The following PPIF variants were observed in gnomAD, a reference collection of about 807,000 sequenced individuals.
The protein encoded by PPIF is peptidyl-prolyl cis-trans isomerase F, mitochondrial.
A neutral mutation model predicts 20.2 loss-of-function variants in PPIF; 23 were observed. That is an observed-to-expected ratio of 1.14 (90% CI 0.82 to 1.61). PPIF has a LOEUF of 1.61. Ranked by LOEUF, PPIF falls within the 40% of genes most tolerant of loss-of-function variation. The probability of loss-of-function intolerance (pLI) is 0.00; values close to 1 mark genes in which losing one functional copy is unlikely to be tolerated. For missense variants in PPIF, 287 were observed against 291.6 expected (o/e 0.98, Z 0.11); for synonymous variants, 113 against 123.1 (o/e 0.92, Z 0.54).
rs114909944 is a variant in PPIF, at chr10:79,353,830, C to G, written c.612C>G (p.Gly204=). The G allele has an allele frequency of 6.3e-4, 1,017 of 1,614,138 alleles. 9 individuals carry two copies. In the African/African-American group the frequency reaches 0.011, roughly 18 times the overall value. ...AGAAGATTGTCATCACAGACTGTGG[C>G]CAGTTGAGCTAATCTGTGGCCAGGG... ...TSKKIVITDC[G]QLS Residue 204 remains glycine (G), a synonymous_variant, in exon 6 of 6, where the codon GGC becomes GGG. Transcript: ENST00000225174.
rs11557023 is a variant in PPIF, at chr10:79,349,717, C to A, written c.279C>A (p.Ser93=). The change falls in exon 3 of 6, where the codon TCC becomes TCA. Residue 93 remains serine (S), a synonymous_variant. Coordinates refer to ENST00000225174, the MANE Select transcript of PPIF (RefSeq NM_005729.4). ...TGEKGFGYKG[S]TFHRVIPSFM... is the part of the protein sequence containing the mutation. The stretch of plus-strand genomic sequence containing the variant: ...AGAAGGGCTTCGGCTACAAAGGCTC[C>A]ACCTTCCACAGGGTGATCCCTTCCT... 3 of 1,613,884 alleles carry A rather than the reference C, an allele frequency of 1.9e-6. No individual in the cohort carries two copies. In the African/African-American group the frequency reaches 4.0e-5, roughly 22 times the overall value.
chr10:79,348,788 T>C (rs1044056579), intron 1 of PPIF, among the ~76,000 whole-genome samples: 2 of 152,164 alleles, frequency 1.3e-5, no homozygotes, highest in Non-Finnish European at 2.9e-5. Flanking sequence ...GGCCCAGCTG[T>C]GGGAGCACTG....
At chr10:79,349,469 TCAGGTACTGAGGA>T (rs1393735242) in intron 2 of PPIF, among the ~76,000 whole-genome samples, 183 bp from the exon 3 acceptor site, 1 of 152,184 alleles carries the variant, frequency 6.6e-6, no homozygotes, top group Non-Finnish European at 1.5e-5. Flanking sequence ...GTCACAGTGC[TCAGGTACTGAGGA>T]CAGGGAAGGG....
At position 79,347,476 on chromosome 10, in the gene PPIF, C is replaced by T. The variant is rs1026664203; in HGVS notation, c.-73C>T. ...GGCGCGCGGCTGCGCGGGACTCGGC[C>T]TTCTGGGCGCGCGCGACGTCAGTTT... is the stretch of plus-strand genomic sequence containing the variant. On this transcript the variant is annotated 5_prime_UTR_variant, in exon 1 of 6. Coordinates refer to ENST00000225174, the MANE Select transcript of PPIF (RefSeq NM_005729.4). 3 of 1,251,366 alleles carry T rather than the reference C, an allele frequency of 2.4e-6. No homozygotes were observed. Among genetic ancestry groups the T allele is most frequent in the Non-Finnish European group, 3.0e-6 (3 of 998,604 alleles). 77.5% of individuals were successfully genotyped at this position (1,251,366 alleles called of 1,614,324 possible). A position where few individuals can be genotyped will look rare whatever the true frequency, so the allele number is the denominator to read the frequency against.
chr10:79,354,046 C>A lies in PPIF; in HGVS notation c.*204C>A. On this transcript the variant is annotated 3_prime_UTR_variant, in exon 6 of 6. Coordinates refer to ENST00000225174, the MANE Select transcript of PPIF (RefSeq NM_005729.4). ...TAATACCCACCCTTCCTCACGACCT[C>A]ATTTCTGGGCATCTTTGTGGACATG... is the stretch of plus-strand genomic sequence containing the variant. The A allele has an allele frequency of 1.7e-6, 1 of 589,042 alleles. No individual in the cohort carries two copies. The highest frequency in any genetic ancestry group is 2.0e-5 in the South Asian group (1 of 49,226). The allele number at this position is 589,042 out of a possible 1,614,324, so 36.5% of individuals were successfully genotyped here.
intron 5 of PPIF, 136 bp from the exon 6 acceptor site, chr10:79,353,571 T>G: frequency 1.3e-6 from 2 of 1,490,292 alleles, no homozygotes; most frequent in Admixed American, 1.8e-5. Context: ...TGATCGAGCT[T>G]TGGGGGTAGA....
chr10:79,350,160 A>C (rs1589646401), intron 3 of PPIF: 1 of 205,374 alleles, frequency 4.9e-6, no homozygotes, highest in East Asian at 1.3e-4. Context: ...GAGGAGGAAG[A>C]CAGGTCCAGG....
rs1160278475 is a variant in PPIF, at chr10:79,355,047, G to A, written c.*1205G>A. 1 of 152,364 alleles carries A rather than the reference G, an allele frequency of 6.6e-6. No individual in the cohort carries two copies. The highest frequency in any genetic ancestry group is 2.1e-4 in the South Asian group (1 of 4,836). 9.4% of individuals were successfully genotyped at this position (152,364 alleles called of 1,614,324 possible). A position where few individuals can be genotyped will look rare whatever the true frequency, so the allele number is the denominator to read the frequency against. ...TGAACTGTAATCCCCAGTGCTGGAG[G>A]TGGGGCCTGCTACGAGGTGTTTGGA... On this transcript the variant is annotated 3_prime_UTR_variant, in exon 6 of 6. Coordinates refer to ENST00000225174, the MANE Select transcript of PPIF (RefSeq NM_005729.4).
In PPIF at chr10:79,352,394, T is replaced by A; in HGVS notation, c.488+2T>A. On this transcript the variant is annotated splice_donor_variant, in intron 5 of 5. Coordinates refer to ENST00000225174, the MANE Select transcript of PPIF (RefSeq NM_005729.4). LOFTEE classifies it high-confidence loss of function. Reference sequence around the variant, plus strand: ...CATCTGCACCATAAAGACAGACTGGTGAGTTCCCTGCCCCAGGCCCTCTGG... The same window carrying A: ...CATCTGCACCATAAAGACAGACTGGAGAGTTCCCTGCCCCAGGCCCTCTGG... 6.2e-7 allele frequency: 1 copy of A among 1,613,234 alleles called. No individual in the cohort carries two copies.
chr10:79,349,840 T>G, intron 3 of PPIF, 87 bp downstream of exon 3: 1 of 1,584,858 alleles, frequency 6.3e-7, no homozygotes, highest in Non-Finnish European at 8.6e-7. Context: ...AGGAAGGTGC[T>G]GAGCAGAGCA....
At chr10:79,349,015 C>G (rs887629297) in intron 1 of PPIF, 61 bp from the exon 2 acceptor site, 2 of 1,613,110 alleles carry the variant, frequency 1.2e-6, no homozygotes, top group African/African-American at 2.7e-5. Flanking sequence ...TGCTGAGAGA[C>G]ACCCACCTTC....
chr10:79,348,755 G>T (rs535649008), intron 1 of PPIF, among the ~76,000 whole-genome samples: 1 of 152,108 alleles, frequency 6.6e-6, no homozygotes, highest in Non-Finnish European at 1.5e-5. Flanking sequence ...ACACTCTCTT[G>T]TCCCTGAATT....
At chr10:79,347,918 C>T (rs1416911816) in intron 1 of PPIF, among the ~76,000 whole-genome samples, 175 bp downstream of exon 1, 3 of 152,130 alleles carry the variant, frequency 2.0e-5, no homozygotes, top group East Asian at 1.9e-4. Flanking sequence ...CTTCCGGCCT[C>T]CCTCGGAGCA....
rs556238151 is a variant in PPIF, at chr10:79,354,641, T to C, written c.*799T>C. 6.5e-6 allele frequency: 1 copy of C among 152,946 alleles called. No individual in the cohort carries two copies. The highest frequency in any genetic ancestry group is 6.5e-5 in the Admixed American group (1 of 15,310). The allele number at this position is 152,946 out of a possible 1,614,324, so 9.5% of individuals were successfully genotyped here. On this transcript the variant is annotated 3_prime_UTR_variant, in exon 6 of 6. Transcript: ENST00000225174. ...AAAGAAATTCAATCTACTCATGATGTGTTATGCATAAAACATTTCTGGAAC... is the reference window on the plus strand; with the variant it reads ...AAAGAAATTCAATCTACTCATGATGCGTTATGCATAAAACATTTCTGGAAC...
Position 79,349,100 on chromosome 10 carries a change from A to G in PPIF, c.220A>G (p.Thr74Ala). 1 of 1,613,936 alleles carries G rather than the reference A, an allele frequency of 6.2e-7. No individual in the cohort carries two copies. Among genetic ancestry groups the G allele is most frequent in the Admixed American group, 1.7e-5 (1 of 60,024 alleles). The change falls in exon 2 of 6, where the codon ACA becomes GCA. Residue 74 changes from threonine to alanine, a missense_variant. Coordinates refer to ENST00000225174, the MANE Select transcript of PPIF (RefSeq NM_005729.4). ...GCTGAAGGCAGATGTCGTCCCAAAGACAGCTGGTAAGACAGGGCCTGGGGC... is the reference window on the plus strand; with the variant it reads ...GCTGAAGGCAGATGTCGTCCCAAAGGCAGCTGGTAAGACAGGGCCTGGGGC... ...LELKADVVPK[T>A]AENFRALCTG...
chr10:79,350,824 G>A (rs1051678990), intron 3 of PPIF, among the ~76,000 whole-genome samples: 9 of 152,166 alleles, frequency 5.9e-5, no homozygotes, highest in Non-Finnish European at 1.3e-4. Context: ...TCTTACCCAC[G>A]GATCCCATCT....
At chr10:79,347,855 C>G in intron 1 of PPIF, 112 bp downstream of exon 1, 4 of 1,224,508 alleles carry the variant, frequency 3.3e-6, no homozygotes, top group Non-Finnish European at 3.1e-6. Context: ...CTCCCCATGC[C>G]GAGCTCTGGG....
chr10:79,347,718 A>G lies in PPIF; in HGVS notation c.170A>G (p.Lys57Arg). 1 of 1,447,234 alleles carries G rather than the reference A, an allele frequency of 6.9e-7. No homozygotes were observed. Among genetic ancestry groups the G allele is most frequent in the East Asian group, 2.9e-5 (1 of 34,930 alleles). 89.6% of individuals were successfully genotyped at this position (1,447,234 alleles called of 1,614,324 possible). Residue 57 changes from lysine to arginine, a missense_variant, in exon 1 of 6, where the codon AAG becomes AGG. Transcript: ENST00000225174. The stretch of plus-strand genomic sequence containing the variant: ...TACCTGGACGTGGACGCCAACGGGA[A>G]GCCGCTCGGCCGCGTGGTGCTGGAG... ...LVYLDVDANG[K>R]PLGRVVLELK...
In PPIF at chr10:79,353,707, G is replaced by T. The variant is rs1207651311; in HGVS notation, c.489G>T (p.Trp163Cys). The change falls in exon 6 of 6, where the codon TGG becomes TGT. Residue 163 changes from tryptophan to cysteine, a missense_variant and splice_region_variant. Coordinates refer to ENST00000225174, the MANE Select transcript of PPIF (RefSeq NM_005729.4). ...QFFICTIKTDWLDGKHVVFGH... is the reference protein window; with the variant it reads ...QFFICTIKTDCLDGKHVVFGH... ...TCACCCGGGTCACCCGTCCTCACAG[G>T]TTGGATGGCAAGCATGTTGTGTTCG... 6.2e-7 allele frequency: 1 copy of T among 1,614,244 alleles called. No individual in the cohort carries two copies. Among genetic ancestry groups the T allele is most frequent in the Admixed American group, 1.7e-5 (1 of 60,030 alleles).
Sources: gnomAD v4.1 joint callset for allele counts (sites outside exome capture counted in the v4.1 genomes callset) on GRCh38, gnomAD v4.1.1 for gene constraint, MANE v1.5 for transcripts, NCBI Gene and HGNC (gene_info 2026-07-23, HGNC 2026-07-21) for gene names.